The following SOX6 variants were observed in gnomAD, a reference collection of about 807,000 sequenced individuals.
SOX6 encodes transcription factor SOX-6.
SOX6 carries 11 observed loss-of-function variants against 97.8 expected under a neutral mutation model. The observed-to-expected ratio is 0.11, with a 90% CI of 0.07 to 0.19. The LOEUF (loss-of-function observed/expected upper bound fraction) is 0.19, where lower values mean the gene tolerates loss of function less well. Ranked by LOEUF, SOX6 falls within the 10% of genes least tolerant of loss-of-function variation. SOX6 has a pLI of 1.00. For missense variants in SOX6, 810 were observed against 1,039.5 expected (o/e 0.78, Z 3.04); for synonymous variants, 360 against 371.4 (o/e 0.97, Z 0.35).
At chr11:16,494,152 G>C (rs1241165435) in intron 4 of SOX6, among the ~76,000 whole-genome samples, 1 of 152,134 alleles carries the variant, frequency 6.6e-6, no homozygotes, top group Non-Finnish European at 1.5e-5. Flanking sequence ...GAGGTGGGCA[G>C]ATCACTAGAG....
intron 1 of SOX6, among the ~76,000 whole-genome samples, chr11:16,425,285 A>C (rs1328368493): frequency 1.3e-5 from 2 of 152,216 alleles, no homozygotes; most frequent in Non-Finnish European, 2.9e-5. Context: ...TCTGGAGGTA[A>C]ATACACCTTG....
intron 4 of SOX6, among the ~76,000 whole-genome samples, chr11:16,525,407 G>T (rs1861141056): frequency 6.6e-6 from 1 of 151,772 alleles, no homozygotes; most frequent in South Asian, 2.1e-4. Flanking sequence ...AATAAATGGT[G>T]CTGGGAAAAC....
intron 4 of SOX6, among the ~76,000 whole-genome samples, chr11:16,497,185 T>C (rs1198125251): frequency 6.6e-6 from 1 of 152,128 alleles, no homozygotes; most frequent in African/African-American, 2.4e-5. Flanking sequence ...GCAGCCTCTG[T>C]TGCTGATACC....
rs71455890 is a variant in SOX6 at position 16,598,649 on chromosome 11, T to TAAAA, written n.609+13428_609+13431dup. Reference sequence around the variant, plus strand: ...CATGCCTGGGAATGAGTATGCTCTTTAAAAAAAAAAAAATCTGTTGCATTT... The same window carrying TAAAA: ...CATGCCTGGGAATGAGTATGCTCTTTAAAAAAAAAAAAAAAAATCTGTTGCATTT... On this transcript the variant is annotated intron_variant and non_coding_transcript_variant, in intron 4 of 5. Coordinates refer to the SOX6 transcript ENST00000524520. 5.0e-4 allele frequency among the ~76,000 whole-genome samples: 73 copies of TAAAA among 147,074 alleles called. No homozygotes were observed. In the South Asian group the frequency reaches 6.9e-3, roughly 14 times the overall value.
At chr11:16,344,809 T>A (rs1856733510) in intron 1 of SOX6, among the ~76,000 whole-genome samples, 1 of 151,948 alleles carries the variant, frequency 6.6e-6, no homozygotes, top group Non-Finnish European at 1.5e-5. Context: ...TCAAATGAAT[T>A]GTTTTTTTAA....
At chr11:16,389,694 T>C (rs995822706) in intron 1 of SOX6, among the ~76,000 whole-genome samples, 1 of 151,664 alleles carries the variant, frequency 6.6e-6, no homozygotes, top group African/African-American at 2.4e-5. Context: ...TACGGCCGGG[T>C]GCGGTGGCTC....
At chr11:16,643,294 C>G (rs1848953975) in intron 3 of SOX6, among the ~76,000 whole-genome samples, 1 of 152,162 alleles carries the variant, frequency 6.6e-6, no homozygotes, top group African/African-American at 2.4e-5. Flanking sequence ...CAGAGGGGTA[C>G]CCAGCCATGT....
chr11:16,209,740 G>A (rs1178136957), intron 4 of SOX6, among the ~76,000 whole-genome samples: 1 of 152,004 alleles, frequency 6.6e-6, no homozygotes, highest in Non-Finnish European at 1.5e-5. Flanking sequence ...GTGACAGCAT[G>A]AGACTCTGTC....
Position 16,115,013 on chromosome 11 carries a change from T to C in SOX6, c.778-3090A>G, listed in dbSNP as rs565448583. Among the ~76,000 whole-genome samples, 236 of 152,336 alleles carry C rather than the reference T, an allele frequency of 1.5e-3. 1 individual carries two copies. Among genetic ancestry groups the C allele is most frequent in the African/African-American group, 5.6e-3 (231 of 41,580 alleles). On this transcript the variant is annotated intron_variant, in intron 6 of 15. Transcript: ENST00000683767. Reference sequence around the variant, plus strand: ...GAGCTGTAGGTGTTTCATATTAAGATAAGCTGTAAGAATTTAGGTAAATTC... The same window carrying C: ...GAGCTGTAGGTGTTTCATATTAAGACAAGCTGTAAGAATTTAGGTAAATTC...
upstream of SOX6, among the ~76,000 whole-genome samples, chr11:16,480,981 G>A (rs1055511932): frequency 5.3e-5 from 8 of 152,014 alleles, no homozygotes; most frequent in African/African-American, 1.9e-4. Flanking sequence ...AAATATCGAT[G>A]CCTGGTCTTT....
At chr11:16,022,503 C>G (rs1203296395) in intron 12 of SOX6, among the ~76,000 whole-genome samples, 1 of 151,894 alleles carries the variant, frequency 6.6e-6, no homozygotes, top group East Asian at 1.9e-4. Flanking sequence ...CCTCTGCCTC[C>G]CAGATTCAAG....
chr11:15,981,420 A>C (rs1473472588), intron 15 of SOX6, among the ~76,000 whole-genome samples: 1 of 152,064 alleles, frequency 6.6e-6, no homozygotes, highest in Non-Finnish European at 1.5e-5. Context: ...AGCTTTGCCA[A>C]TTACAAAGTA....
At chr11:16,467,070 G>A (rs1340499772) in intron 1 of SOX6, among the ~76,000 whole-genome samples, 2 of 151,506 alleles carry the variant, frequency 1.3e-5, no homozygotes, top group African/African-American at 2.4e-5. Context: ...TTAGAGAAAC[G>A]CAAATCAAAA....
chr11:16,420,630 T>C (rs1420773451), intron 1 of SOX6, among the ~76,000 whole-genome samples: 1 of 152,308 alleles, frequency 6.6e-6, no homozygotes, highest in Non-Finnish European at 1.5e-5. Context: ...AACTAGTTTT[T>C]TAAAACGTAT....
intron 1 of SOX6, among the ~76,000 whole-genome samples, chr11:16,462,004 A>G (rs1162826337): frequency 1.3e-5 from 2 of 152,216 alleles, no homozygotes; most frequent in Non-Finnish European, 1.5e-5. Context: ...CTGTGCTTTG[A>G]AAAAAGTCAG....
intron 3 of SOX6, among the ~76,000 whole-genome samples, chr11:16,308,798 T>C (rs1855511997): frequency 6.6e-6 from 1 of 152,118 alleles, no homozygotes; most frequent in Non-Finnish European, 1.5e-5. Context: ...AACCTAGTAA[T>C]CACAGTCCAG....
chr11:16,500,338 A>T (rs1404449933), intron 4 of SOX6, among the ~76,000 whole-genome samples: 1 of 152,212 alleles, frequency 6.6e-6, no homozygotes, highest in East Asian at 1.9e-4. Context: ...TCTATGAGAA[A>T]CCCACAGCCA....
At position 16,356,101 on chromosome 11, in the gene SOX6, G is replaced by A. The variant is rs957018044; in HGVS notation, c.-12C>T. Among the ~76,000 whole-genome samples, 3 of 151,802 alleles carry A rather than the reference G, an allele frequency of 2.0e-5. No homozygotes were observed. Among genetic ancestry groups the A allele is most frequent in the Non-Finnish European group, 4.4e-5 (3 of 67,934 alleles). ...GAAGCACAAATCACTCACATGAAGT[G>A]GCTGCTCTTCCACTCTTCAATCCGG... On this transcript the variant is annotated 5_prime_UTR_variant, in exon 1 of 16. Coordinates refer to ENST00000683767, the MANE Select transcript of SOX6 (RefSeq NM_001367873.1).
rs191415139 is a variant in SOX6 at position 16,446,059 on chromosome 11, T to G, written c.-5+30256A>C. ...GAGATGCAAAAAGGCAGAATAGACG[T>G]TATTTTTCTAGATTATCTTTTTAAT... On this transcript the variant is annotated intron_variant, in intron 1 of 15. Coordinates refer to the SOX6 transcript ENST00000396356. Among the ~76,000 whole-genome samples the G allele has an allele frequency of 3.9e-4, 60 of 152,226 alleles. 1 individual carries two copies. The highest frequency in any genetic ancestry group is 1.0e-3 in the South Asian group (5 of 4,828).
Sources: gnomAD v4.1 joint callset for allele counts (sites outside exome capture counted in the v4.1 genomes callset) on GRCh38, gnomAD v4.1.1 for gene constraint, MANE v1.5 for transcripts, NCBI Gene and HGNC (gene_info 2026-07-23, HGNC 2026-07-21) for gene names.